The following ERBB4 variants were observed in gnomAD, a reference collection of about 807,000 sequenced individuals.
ERBB4 encodes the protein receptor tyrosine-protein kinase erbB-4.
Under a neutral mutation model 158.0 loss-of-function variants are expected in ERBB4, and 42 were observed. The ratio of observed to expected loss-of-function variants is 0.27; its 90% CI spans 0.21 to 0.34. The LOEUF is 0.34. Among genes scored for constraint, ERBB4 ranks in the 10% least tolerant of loss-of-function variants. The pLI, the probability that ERBB4 is intolerant of heterozygous loss-of-function variation, is 1.00. For synonymous variants in ERBB4, 583 were observed against 558.7 expected (o/e 1.04, Z -0.61); for missense variants, 1,333 against 1,624.1 (o/e 0.82, Z 3.08).
chr2:212,090,869 T>C (rs1220676543), intron 2 of ERBB4, among the ~76,000 whole-genome samples: 1 of 152,186 alleles, frequency 6.6e-6, no homozygotes, highest in East Asian at 1.9e-4. Context: ...TCTTTAGTGA[T>C]TTGCTTCAAT....
chr2:211,605,269 A>C (rs1468336121), intron 19 of ERBB4, among the ~76,000 whole-genome samples: 2 of 152,174 alleles, frequency 1.3e-5, no homozygotes. Flanking sequence ...TGAATACTAA[A>C]TCCACCAGAG....
At chr2:212,411,435 T>C (rs2091496763) in intron 1 of ERBB4, among the ~76,000 whole-genome samples, 1 of 152,166 alleles carries the variant, frequency 6.6e-6, no homozygotes, top group Non-Finnish European at 1.5e-5. Context: ...ATCAAAATAA[T>C]CAATACACGT....
chr2:212,293,720 T>C (rs2086291488), intron 1 of ERBB4, among the ~76,000 whole-genome samples: 1 of 151,694 alleles, frequency 6.6e-6, no homozygotes, highest in African/African-American at 2.4e-5. Context: ...TGGTGGTGCA[T>C]GCCTGTAATC....
At chr2:212,024,565 T>C (rs1316820568) in intron 2 of ERBB4, among the ~76,000 whole-genome samples, 1 of 151,948 alleles carries the variant, frequency 6.6e-6, no homozygotes, top group Non-Finnish European at 1.5e-5. Flanking sequence ...GTAAGTCATT[T>C]TGACATTCAA....
intron 20 of ERBB4, among the ~76,000 whole-genome samples, chr2:211,514,445 G>A (rs186401411): frequency 6.6e-6 from 1 of 151,932 alleles, no homozygotes; most frequent in Non-Finnish European, 1.5e-5. Flanking sequence ...TTAATATTGA[G>A]CACATAACAA....
At chr2:212,010,410 A>G (rs1575511402) in intron 2 of ERBB4, among the ~76,000 whole-genome samples, 1 of 152,152 alleles carries the variant, frequency 6.6e-6, no homozygotes, top group Non-Finnish European at 1.5e-5. Context: ...GAGAATCAAA[A>G]CAGCAAGTTT....
At chr2:211,883,411 C>T (rs2078714859) in intron 3 of ERBB4, among the ~76,000 whole-genome samples, 1 of 151,670 alleles carries the variant, frequency 6.6e-6, no homozygotes, top group Non-Finnish European at 1.5e-5. Context: ...CAAACCTGCA[C>T]GTTGTGCACA....
intron 2 of ERBB4, among the ~76,000 whole-genome samples, chr2:212,053,874 G>C (rs2077475423): frequency 6.6e-6 from 1 of 152,072 alleles, no homozygotes; most frequent in African/African-American, 2.4e-5. Context: ...ACATCACCCT[G>C]CATTCTCAAG....
At chr2:212,463,780 G>T (rs2106083267) in intron 1 of ERBB4, among the ~76,000 whole-genome samples, 1 of 152,124 alleles carries the variant, frequency 6.6e-6, no homozygotes, top group East Asian at 1.9e-4. Flanking sequence ...CAGTTCAAAA[G>T]GTGATTAATT....
intron 1 of ERBB4, among the ~76,000 whole-genome samples, chr2:212,349,175 G>C (rs1483478925): frequency 6.6e-6 from 1 of 152,068 alleles, no homozygotes; most frequent in Non-Finnish European, 1.5e-5. Context: ...TAGAAGAGTT[G>C]TAATTGTTCA....
At position 212,253,110 on chromosome 2, in the gene ERBB4, T is replaced by C. The variant is rs75057348; in HGVS notation, c.83-128207A>G. On this transcript the variant is annotated intron_variant, in intron 1 of 27. Coordinates refer to ENST00000342788, the MANE Select transcript of ERBB4 (RefSeq NM_005235.3). ...TTAGAATCAAATGTCTGTAGATTTA[T>C]TCTATTAAATGTGAATAAACATCAT... 5.8e-3 allele frequency among the ~76,000 whole-genome samples: 872 copies of C among 151,216 alleles called. 12 individuals carry two copies. Among genetic ancestry groups the C allele is most frequent in the African/African-American group, 0.019 (769 of 41,504 alleles).
intron 20 of ERBB4, among the ~76,000 whole-genome samples, chr2:211,540,512 TTTTG>T (rs1162207629): frequency 6.6e-6 from 1 of 151,530 alleles, no homozygotes; most frequent in African/African-American, 2.4e-5. Flanking sequence ...GCTGAGGTTT[TTTTG>T]TTTTGTTTTG....
At chr2:211,616,603 G>A (rs2069401922) in intron 19 of ERBB4, among the ~76,000 whole-genome samples, 1 of 152,106 alleles carries the variant, frequency 6.6e-6, no homozygotes, top group Admixed American at 6.6e-5. Flanking sequence ...ATGTAGGTAT[G>A]AAATATAGGC....
At chr2:212,396,844 T>G (rs1307782368) in intron 1 of ERBB4, among the ~76,000 whole-genome samples, 1 of 152,150 alleles carries the variant, frequency 6.6e-6, no homozygotes, top group Non-Finnish European at 1.5e-5. Context: ...GAAGATAAAG[T>G]TTAAGAATTT....
chr2:211,930,578 C>A (rs1033714196), intron 3 of ERBB4, among the ~76,000 whole-genome samples: 1 of 152,104 alleles, frequency 6.6e-6, no homozygotes, highest in Non-Finnish European at 1.5e-5. Context: ...TGCTTCACTT[C>A]TTTTTAACAC....
chr2:212,328,922 T>C (rs1033037705), intron 1 of ERBB4, among the ~76,000 whole-genome samples: 1 of 152,036 alleles, frequency 6.6e-6, no homozygotes, highest in South Asian at 2.1e-4. Flanking sequence ...CTAGGGCCAA[T>C]TTTGGACATG....
intron 3 of ERBB4, among the ~76,000 whole-genome samples, chr2:211,934,682 T>C (rs2080264525): frequency 6.6e-6 from 1 of 151,926 alleles, no homozygotes; most frequent in South Asian, 2.1e-4. Context: ...ATTGTCTTTT[T>C]TTGTCTTCTA....
intron 3 of ERBB4, among the ~76,000 whole-genome samples, chr2:211,899,714 T>C (rs1227485596): frequency 6.6e-6 from 1 of 152,120 alleles, no homozygotes; most frequent in Non-Finnish European, 1.5e-5. Context: ...ATATAATTCC[T>C]TAATAGAAAA....
intron 4 of ERBB4, among the ~76,000 whole-genome samples, chr2:211,769,089 C>T (rs1338876861): frequency 1.3e-5 from 2 of 152,158 alleles, no homozygotes; most frequent in Non-Finnish European, 2.9e-5. Flanking sequence ...ATTTCTTCTG[C>T]CAGATACCCT....
Sources: allele counts gnomAD v4.1 joint callset (sites outside exome capture counted in the v4.1 genomes callset), GRCh38; gene constraint gnomAD v4.1.1; transcripts MANE v1.5; gene names NCBI Gene and HGNC (gene_info 2026-07-23, HGNC 2026-07-21).